Variants in MEPCE observed in about 807,000 individuals in gnomAD.
MEPCE encodes 7SK snRNA methylphosphate capping enzyme.
MEPCE carries 9 observed loss-of-function variants against 52.3 expected under a neutral mutation model. That is an observed-to-expected ratio of 0.17 (90% CI 0.10 to 0.30). MEPCE has a LOEUF of 0.30. MEPCE is among the 10% of genes least tolerant of loss of function. The pLI, the probability that MEPCE is intolerant of heterozygous loss-of-function variation, is 1.00. For missense variants in MEPCE, 826 were observed against 933.0 expected (o/e 0.89, Z 1.49); for synonymous variants, 477 against 401.6 (o/e 1.19, Z -2.25).
upstream of MEPCE, chr7:100,429,451 C>T (rs1464105254): frequency 1.3e-5 from 2 of 152,282 alleles, no homozygotes; most frequent in Non-Finnish European, 2.9e-5. Context: ...AGACTCATTC[C>T]TCAGGAACAA....
chr7:100,433,494 C>T lies in MEPCE; in HGVS notation c.2018-8C>T. 6.2e-7 allele frequency: 1 copy of T among 1,614,056 alleles called. No homozygotes were observed. The highest frequency in any genetic ancestry group is 8.5e-7 in the Non-Finnish European group (1 of 1,180,006). ...CCAACCCCTTCTGATCACTCTCTCT[C>T]CCCTCAGGCTTCCAGCGTCCTGTGT... On this transcript the variant is annotated splice_polypyrimidine_tract_variant and splice_region_variant and intron_variant, in intron 3 of 3. Transcript: ENST00000310512.
chr7:100,433,580 A>G lies in MEPCE; in HGVS notation c.*26A>G, dbSNP rs1798787613. 1.2e-5 allele frequency: 19 copies of G among 1,610,318 alleles called. No homozygotes were observed. Among genetic ancestry groups the G allele is most frequent in the Non-Finnish European group, 1.5e-5 (18 of 1,178,336 alleles). On this transcript the variant is annotated 3_prime_UTR_variant, in exon 4 of 4. Coordinates refer to ENST00000310512, the MANE Select transcript of MEPCE (RefSeq NM_019606.6). Reference sequence around the variant, plus strand: ...GTGGCCCCCTAAACAGAAAGTGTGAAGAGGCTGCCCTCGCTGCTCATAAGG... The same window carrying G: ...GTGGCCCCCTAAACAGAAAGTGTGAGGAGGCTGCCCTCGCTGCTCATAAGG...
Position 100,431,050 on chromosome 7 carries a change from A to G in MEPCE, c.1032A>G (p.Ser344=), listed in dbSNP as rs1341741701. The change falls in exon 1 of 4, where the codon TCA becomes TCG. Residue 344 remains serine, a synonymous_variant. Transcript: ENST00000310512. ...SALQGPSGSL[S]APPAASVISA... is the part of the protein sequence containing the mutation. ...TGCAGGGTCCCTCAGGCTCCCTATC[A>G]GCCCCTCCAGCTGCCTCAGTTATCT... is the stretch of plus-strand genomic sequence containing the variant. 6.2e-6 allele frequency: 10 copies of G among 1,613,848 alleles called. 1 individual carries two copies. The South Asian group carries it at 9.9e-5, about 16-fold the overall frequency.
At chr7:100,432,874 T>C (rs908533259) in intron 1 of MEPCE, 45 bp from the exon 2 acceptor site, 11 of 1,581,396 alleles carry the variant, frequency 7.0e-6, no homozygotes, top group Non-Finnish European at 9.6e-6. Context: ...GAGCAGGGGT[T>C]CTTTGATTCC....
Position 100,433,046 on chromosome 7 carries a change from T to TTCGCCGGA in MEPCE, c.1802_1809dup (p.Tyr604AlafsTer15). On this transcript the variant is annotated frameshift_variant, in exon 2 of 4. Coordinates refer to ENST00000310512, the MANE Select transcript of MEPCE (RefSeq NM_019606.6). LOFTEE classifies it high-confidence loss of function. ...GGAGACGAGGGCCTGAAGCGCATGT[T>TTCGCCGGA]TCGCCGGATCTACCGGCACCTACGC... 1 of 1,614,076 alleles carries TTCGCCGGA rather than the reference T, an allele frequency of 6.2e-7. No individual in the cohort carries two copies. Among genetic ancestry groups the TTCGCCGGA allele is most frequent in the Non-Finnish European group, 8.5e-7 (1 of 1,180,036 alleles).
chr7:100,430,368 G>T lies in MEPCE; in HGVS notation c.350G>T (p.Arg117Leu). 1 of 1,443,816 alleles carries T rather than the reference G, an allele frequency of 6.9e-7. No individual in the cohort carries two copies. Among genetic ancestry groups the T allele is most frequent in the Non-Finnish European group, 9.1e-7 (1 of 1,100,710 alleles). 89.4% of individuals were successfully genotyped at this position (1,443,816 alleles called of 1,614,324 possible). ...CCCCCGGACGTGGGGGAGGAGCGCC[G>T]GGGAGGGGGCGGGACAGAGCTGGGT... ...AAPPDVGEER[R>L]GGGGTELGPP... is the part of the protein sequence containing the mutation. The change falls in exon 1 of 4, where the codon CGG (arginine) becomes CTG (leucine). Residue 117 changes from arginine to leucine, a missense_variant. Arg to Leu is a moderately radical substitution (Grantham distance 102, BLOSUM62 -2). Coordinates refer to ENST00000310512, the MANE Select transcript of MEPCE (RefSeq NM_019606.6).
Position 100,431,199 on chromosome 7 carries a change from G to GCCA in MEPCE, c.1196_1198dup (p.His399dup), listed in dbSNP as rs753557092. 101 of 1,613,536 alleles carry GCCA rather than the reference G, an allele frequency of 6.3e-5. No individual in the cohort carries two copies. The highest frequency in any genetic ancestry group is 3.3e-4 in the Middle Eastern group (2 of 6,062). On this transcript the variant is annotated inframe_insertion, in exon 1 of 4. Transcript: ENST00000310512. ...AAGGGCCGAGGGAGTTGGGGAGGCC[G>GCCA]CCACCACCACCACCACCCACTGCCT... is the stretch of plus-strand genomic sequence containing the variant.
rs748456426 is a variant in MEPCE at position 100,430,737 on chromosome 7, G to A, written c.719G>A (p.Ser240Asn). The A allele has an allele frequency of 2.5e-6, 4 of 1,613,952 alleles. No individual in the cohort carries two copies. The Admixed American group carries it at 6.7e-5, about 27-fold the overall frequency. ...CCCAAAGATATTACTGACCCGCTCA[G>A]TCTCAATACTTGCACTGATGAGGGC... ...LIPKDITDPL[S>N]LNTCTDEGHV... Residue 240 changes from serine to asparagine, a missense_variant, in exon 1 of 4, where the codon AGT becomes AAT. Transcript: ENST00000310512.
intron 1 of MEPCE, among the ~76,000 whole-genome samples, 194 bp from the exon 2 acceptor site, chr7:100,432,725 A>C (rs55721535): frequency 0.16 from 24,917 of 152,238 alleles, 2,151 homozygotes; most frequent in South Asian, 0.31. Flanking sequence ...CAGTAGGAAG[A>C]AGCAGAGGCA....
chr7:100,429,189 A>G (rs1481877780), upstream of MEPCE: 1 of 152,028 alleles, frequency 6.6e-6, no homozygotes, highest in Non-Finnish European at 1.5e-5. Context: ...GCTCATGAAT[A>G]ATTCATGAGC....
In MEPCE at chr7:100,433,071, C is replaced by T. The variant is rs1460932178; in HGVS notation, c.1824C>T (p.Arg608=). 1 of 1,614,056 alleles carries T rather than the reference C, an allele frequency of 6.2e-7. No individual in the cohort carries two copies. The highest frequency in any genetic ancestry group is 8.5e-7 in the Non-Finnish European group (1 of 1,180,040). The change falls in exon 2 of 4, where the codon CGC becomes CGT. Residue 608 remains arginine (R), a synonymous_variant. Coordinates refer to ENST00000310512, the MANE Select transcript of MEPCE (RefSeq NM_019606.6). ...TTCGCCGGATCTACCGGCACCTACGCCCTGGGGGCATCCTGGTCCTAGAGC... is the reference window on the plus strand; with the variant it reads ...TTCGCCGGATCTACCGGCACCTACGTCCTGGGGGCATCCTGGTCCTAGAGC... ...RMFRRIYRHL[R]PGGILVLEPQ...
In MEPCE at chr7:100,431,536, G is replaced by C. The variant is rs140474713; in HGVS notation, c.1518G>C (p.Pro506=). 30 of 1,612,692 alleles carry C rather than the reference G, an allele frequency of 1.9e-5. No homozygotes were observed. The African/African-American group carries it at 2.5e-4, about 14-fold the overall frequency. ...CACCCCAGACTTTGGAAGGGGACCC[G>C]GGGGCAGAGGGTGAGGAAGGGACCA... ...RLPPQTLEGD[P]GAEGEEGTTT... is the part of the protein sequence containing the mutation. The change falls in exon 1 of 4, where the codon CCG becomes CCC. Residue 506 remains proline, a synonymous_variant. Coordinates refer to ENST00000310512, the MANE Select transcript of MEPCE (RefSeq NM_019606.6).
At chr7:100,432,628 C>T (rs1798751503) in intron 1 of MEPCE, among the ~76,000 whole-genome samples, 1 of 152,164 alleles carries the variant, frequency 6.6e-6, no homozygotes, top group Non-Finnish European at 1.5e-5. Flanking sequence ...AGGATATGGT[C>T]CTGGGACCCT....
At chr7:100,432,812 C>T (rs1032857206) in intron 1 of MEPCE, 107 bp from the exon 2 acceptor site, 27 of 994,184 alleles carry the variant, frequency 2.7e-5, no homozygotes, top group South Asian at 2.3e-4. Context: ...AAAGTGGCCA[C>T]GGGCTAAAGT....
At chr7:100,432,884 C>T (rs1798761440) in intron 1 of MEPCE, 35 bp from the exon 2 acceptor site, 5 of 1,597,520 alleles carry the variant, frequency 3.1e-6, no homozygotes, top group Non-Finnish European at 4.3e-6. Context: ...TCTTTGATTC[C>T]CTCAGTTGAC....
At position 100,433,331 on chromosome 7, in the gene MEPCE, C is replaced by G. The variant is rs1254662356; in HGVS notation, c.1959C>G (p.Ser653=). Reference sequence around the variant, plus strand: ...AGCAGTTCAGTTCCTACCTGACATCCCCAGACGTGGGCTTCTCCAGCTATG... The same window carrying G: ...AGCAGTTCAGTTCCTACCTGACATCGCCAGACGTGGGCTTCTCCAGCTATG... ...KPEQFSSYLT[S]PDVGFSSYEL... The change falls in exon 3 of 4, where the codon TCC becomes TCG. Residue 653 remains serine (S), a synonymous_variant. Coordinates refer to ENST00000310512, the MANE Select transcript of MEPCE (RefSeq NM_019606.6). The G allele has an allele frequency of 1.9e-6, 3 of 1,614,192 alleles. No individual in the cohort carries two copies. The highest frequency in any genetic ancestry group is 2.5e-6 in the Non-Finnish European group (3 of 1,180,040).
At chr7:100,431,741 T>G in intron 1 of MEPCE, 52 bp downstream of exon 1, 1 of 1,453,980 alleles carries the variant, frequency 6.9e-7, no homozygotes, top group Non-Finnish European at 9.2e-7. Flanking sequence ...AAGATGAGAT[T>G]AAATGGGAAT....
Position 100,431,559 on chromosome 7 carries a change from C to T in MEPCE, c.1541C>T (p.Thr514Ile). 1.2e-6 allele frequency: 2 copies of T among 1,612,606 alleles called. No homozygotes were observed. Among genetic ancestry groups the T allele is most frequent in the Non-Finnish European group, 1.7e-6 (2 of 1,180,012 alleles). Residue 514 changes from threonine to isoleucine, a missense_variant, in exon 1 of 4, where the codon ACC (threonine) becomes ATC (isoleucine). Physicochemically the swap from Thr to Ile is moderately conservative, Grantham distance 89. Transcript: ENST00000310512. ...GDPGAEGEEG[T>I]TTVRKRSCFP... ...CCGGGGGCAGAGGGTGAGGAAGGGA[C>T]CACCACCGTTCGAAAGAGGAGCTGC...
chr7:100,430,459 C>A lies in MEPCE; in HGVS notation c.441C>A (p.Gly147=). 6.4e-7 allele frequency: 1 copy of A among 1,559,104 alleles called. No homozygotes were observed. The highest frequency in any genetic ancestry group is 1.4e-5 in the African/African-American group (1 of 73,888). The change falls in exon 1 of 4, where the codon GGC becomes GGA. Residue 147 remains glycine (G), a synonymous_variant. Transcript: ENST00000310512. ...QPHRPPGGGG[G]KRRNSCNVGG... ...ACCGGCCACCTGGGGGGGGCGGGGG[C>A]AAGAGGAGAAATAGCTGTAATGTAG...
Sources: allele counts gnomAD v4.1 joint callset (sites outside exome capture counted in the v4.1 genomes callset), GRCh38; gene constraint gnomAD v4.1.1; transcripts MANE v1.5; gene names NCBI Gene and HGNC (gene_info 2026-07-23, HGNC 2026-07-21).